Variants in PPIG observed in about 807,000 individuals in gnomAD.
PPIG encodes the protein peptidyl-prolyl cis-trans isomerase G.
Under a neutral mutation model 87.9 loss-of-function variants are expected in PPIG, and 26 were observed. The observed-to-expected ratio is 0.30, with a 90% confidence interval of 0.22 to 0.41. PPIG has a LOEUF of 0.41. Ranked by LOEUF, PPIG falls within the 10% of genes least tolerant of loss-of-function variation. The pLI, the probability that PPIG is intolerant of heterozygous loss-of-function variation, is 1.00. For synonymous variants in PPIG, 308 were observed against 276.5 expected, an observed-to-expected ratio of 1.11 and a Z score of -1.13; for missense variants, 722 against 879.4, an observed-to-expected ratio of 0.82 and a Z score of 2.26.
At chr2:169,602,242 C>T (rs1316265718) in intron 1 of PPIG, among the ~76,000 whole-genome samples, 5 of 151,862 alleles carry the variant, frequency 3.3e-5, no homozygotes, top group Admixed American at 6.6e-5. Flanking sequence ...ATCTGAAACA[C>T]TTCTGGTCCC....
chr2:169,636,339 A>G, intron 13 of PPIG, 74 bp from the exon 14 acceptor site: 1 of 1,465,834 alleles, frequency 6.8e-7, no homozygotes. Flanking sequence ...GAAAAGTAGA[A>G]TATCATTTTA....
At chr2:169,615,631 T>C (rs1005872791) in intron 9 of PPIG, among the ~76,000 whole-genome samples, 1 of 152,196 alleles carries the variant, frequency 6.6e-6, no homozygotes, top group Non-Finnish European at 1.5e-5. Context: ...TTCATGTTGC[T>C]CCAGATGACA....
intron 11 of PPIG, among the ~76,000 whole-genome samples, chr2:169,632,623 C>T (rs1686087987): frequency 6.6e-6 from 1 of 151,908 alleles, no homozygotes; most frequent in Admixed American, 6.6e-5. Context: ...TGCCTGTAGT[C>T]CCAGCTACTC....
At chr2:169,600,687 G>GA in intron 1 of PPIG, among the ~76,000 whole-genome samples, 2 of 151,542 alleles carry the variant, frequency 1.3e-5, no homozygotes, top group South Asian at 2.1e-4. Flanking sequence ...TAAGAAAAAA[G>GA]AAAAAAATAT....
Position 169,637,446 on chromosome 2 carries a change from AATGACC to A in PPIG, c.2192_2197del (p.Asp731_His732del). On this transcript the variant is annotated inframe_deletion, in exon 14 of 14. Coordinates refer to ENST00000260970, the MANE Select transcript of PPIG (RefSeq NM_004792.3). ...AAACCAAAAATCAAAAGGTCAAGAAAATGACCATGTACATGAAAAAAATAAAAAATT... is the reference window on the plus strand; with the variant it reads ...AAACCAAAAATCAAAAGGTCAAGAAAATGTACATGAAAAAAATAAAAAATT... 1 of 1,611,682 alleles carries A rather than the reference AATGACC, an allele frequency of 6.2e-7. No homozygotes were observed. Among genetic ancestry groups the A allele is most frequent in the South Asian group, 1.1e-5 (1 of 90,464 alleles).
chr2:169,600,258 G>A (rs2105482097), intron 1 of PPIG, among the ~76,000 whole-genome samples: 1 of 151,806 alleles, frequency 6.6e-6, no homozygotes, highest in East Asian at 1.9e-4. Context: ...TATTTTTTGT[G>A]GAGACAGGGT....
At chr2:169,585,188 A>G (rs1574429106) in intron 1 of PPIG, among the ~76,000 whole-genome samples, 1 of 151,726 alleles carries the variant, frequency 6.6e-6, no homozygotes, top group Admixed American at 6.6e-5. Context: ...AGGAGGAGAT[A>G]ATTACTCTTT....
rs145868670 is a variant in PPIG at position 169,624,010 on chromosome 2, A to T, written c.548-6764A>T. Among the ~76,000 whole-genome samples the T allele has an allele frequency of 1.4e-4, 21 of 152,270 alleles. No individual in the cohort carries two copies. In the East Asian group the frequency reaches 3.3e-3, roughly 24 times the overall value. On this transcript the variant is annotated intron_variant, in intron 9 of 13. Transcript: ENST00000260970. The stretch of plus-strand genomic sequence containing the variant: ...TTTGAGACTGTCTTGTTCTGTTGCC[A>T]GGCTGGAGTGCAGTGGTGCAGTCAT...
chr2:169,635,588 A>G (rs1686158308), intron 12 of PPIG, among the ~76,000 whole-genome samples: 1 of 152,220 alleles, frequency 6.6e-6, no homozygotes, highest in South Asian at 2.1e-4. Flanking sequence ...TCAGTATGTA[A>G]TAAGAGTGTT....
intron 10 of PPIG, 194 bp from the exon 11 acceptor site, chr2:169,631,572 T>A: frequency 7.4e-7 from 1 of 1,352,908 alleles, no homozygotes; most frequent in Non-Finnish European, 9.4e-7. Flanking sequence ...CGAAACGTTT[T>A]GTTTTGTTTG....
intron 1 of PPIG, among the ~76,000 whole-genome samples, chr2:169,595,310 T>C (rs954179656): frequency 6.6e-6 from 1 of 152,268 alleles, no homozygotes; most frequent in African/African-American, 2.4e-5. Context: ...GGTATATTTA[T>C]GGGTTACGTG....
At chr2:169,631,462 C>A in intron 10 of PPIG, 1 of 625,842 alleles carries the variant, frequency 1.6e-6, no homozygotes, top group Non-Finnish European at 2.2e-6. Flanking sequence ...TTTCTTTACC[C>A]ATGTTTTAAA....
intron 1 of PPIG, among the ~76,000 whole-genome samples, chr2:169,593,650 C>CTTT (rs57902378): frequency 0.1 from 10,874 of 106,076 alleles, 884 homozygotes; most frequent in South Asian, 0.23. Flanking sequence ...TGCTTTATAT[C>CTTT]TTTTTTTTTT....
intron 12 of PPIG, 88 bp from the exon 13 acceptor site, chr2:169,636,004 C>T: frequency 2.2e-6 from 2 of 923,670 alleles, no homozygotes; most frequent in Non-Finnish European, 3.1e-6. Flanking sequence ...TCCTGACCCT[C>T]ACCCCAGTAC....
At position 169,631,817 on chromosome 2, in the gene PPIG, T is replaced by G. The variant is rs139771517; in HGVS notation, c.813T>G (p.Thr271=). Residue 271 remains threonine (T), a synonymous_variant, in exon 11 of 14, where the codon ACT becomes ACG. Transcript: ENST00000260970. The part of the protein sequence containing the change: ...AENLEAQPQS[T]VRPEEIPPIP... The stretch of plus-strand genomic sequence containing the variant: ...ATCTTGAAGCACAACCCCAGTCTAC[T>G]GTCCGTCCAGAAGAGATCCCTCCTA... 2.5e-6 allele frequency: 4 copies of G among 1,613,860 alleles called. No individual in the cohort carries two copies. The highest frequency in any genetic ancestry group is 3.4e-6 in the Non-Finnish European group (4 of 1,179,796).
chr2:169,584,681 C>A, intron 1 of PPIG, 191 bp downstream of exon 1: 1 of 344,242 alleles, frequency 2.9e-6, no homozygotes, highest in South Asian at 2.2e-5. Context: ...AGTGCCTTTG[C>A]CGCTGTTGCA....
intron 7 of PPIG, among the ~76,000 whole-genome samples, chr2:169,611,485 A>C (rs910961770): frequency 2.6e-5 from 4 of 152,170 alleles, no homozygotes; most frequent in African/African-American, 9.6e-5. Context: ...CTGTTTTTCA[A>C]ACTGCTCCAA....
At chr2:169,592,978 A>G (rs1318401873) in intron 1 of PPIG, among the ~76,000 whole-genome samples, 1 of 152,092 alleles carries the variant, frequency 6.6e-6, no homozygotes, top group Non-Finnish European at 1.5e-5. Flanking sequence ...GCTGCCTTTC[A>G]TCTTTCTTGC....
At chr2:169,590,015 A>G (rs962865597) in intron 1 of PPIG, among the ~76,000 whole-genome samples, 2 of 151,984 alleles carry the variant, frequency 1.3e-5, no homozygotes, top group African/African-American at 4.8e-5. Flanking sequence ...AGGCTGAGGC[A>G]GGAGAATCTC....
Sources: allele counts gnomAD v4.1 joint callset (sites outside exome capture counted in the v4.1 genomes callset), GRCh38; gene constraint gnomAD v4.1.1; transcripts MANE v1.5; gene names NCBI Gene and HGNC (gene_info 2026-07-23, HGNC 2026-07-21).